The following SMURF1 variants were observed in gnomAD, a reference collection of about 807,000 sequenced individuals.
The protein encoded by SMURF1 is E3 ubiquitin-protein ligase SMURF1.
Under a neutral mutation model 98.0 loss-of-function variants are expected in SMURF1, and 44 were observed. The ratio of observed to expected loss-of-function variants is 0.45; its 90% CI spans 0.35 to 0.58. SMURF1 has a LOEUF of 0.58. Ranked by LOEUF, SMURF1 falls within the 20% of genes least tolerant of loss-of-function variation. The pLI is 0.00. For synonymous variants in SMURF1, 396 were observed against 374.9 expected (o/e 1.06, Z -0.65); for missense variants, 687 against 938.4 (o/e 0.73, Z 3.50).
intron 16 of SMURF1, 42 bp downstream of exon 16, chr7:99,035,473 C>T (rs1380602664): frequency 6.2e-6 from 10 of 1,608,324 alleles, no homozygotes; most frequent in Non-Finnish European, 8.5e-6. Flanking sequence ...CCACAGCGCA[C>T]ATAGACGCGT....
intron 1 of SMURF1, among the ~76,000 whole-genome samples, chr7:99,089,076 C>T (rs948983200): frequency 3.3e-5 from 5 of 151,958 alleles, no homozygotes; most frequent in African/African-American, 4.8e-5. Flanking sequence ...TGGTGGCGTG[C>T]GCCTGTAATC....
At chr7:99,055,160 T>C (rs1278300241) in intron 5 of SMURF1, among the ~76,000 whole-genome samples, 3 of 152,140 alleles carry the variant, frequency 2.0e-5, no homozygotes, top group Non-Finnish European at 4.4e-5. Flanking sequence ...TTCAAGAAGA[T>C]TTATTTTTTA....
rs1162991456 is a variant in SMURF1 at position 99,060,593 on chromosome 7, A to G, written c.203+6T>C. The G allele has an allele frequency of 6.2e-7, 1 of 1,609,274 alleles. No homozygotes were observed. The highest frequency in any genetic ancestry group is 8.5e-7 in the Non-Finnish European group (1 of 1,176,382). On this transcript the variant is annotated splice_donor_region_variant and intron_variant, in intron 3 of 17. Transcript: ENST00000361368. ...CCGCATGGGGCTTACAGAACATTCAACTCACAGATCATAGTGCTGGTTCCA... is the reference window on the plus strand; with the variant it reads ...CCGCATGGGGCTTACAGAACATTCAGCTCACAGATCATAGTGCTGGTTCCA...
chr7:99,126,350 T>C, intron 1 of SMURF1, among the ~76,000 whole-genome samples: 1 of 140,676 alleles, frequency 7.1e-6, no homozygotes, highest in Non-Finnish European at 1.5e-5. Flanking sequence ...ATATATTCCT[T>C]TTTTTTTTTT....
At chr7:99,080,424 T>C (rs1796555598) in intron 1 of SMURF1, among the ~76,000 whole-genome samples, 1 of 152,156 alleles carries the variant, frequency 6.6e-6, no homozygotes. Flanking sequence ...CTCAGCCTCC[T>C]GAGTAGCTGG....
At chr7:99,141,071 A>T (rs1798109648) in intron 1 of SMURF1, among the ~76,000 whole-genome samples, 1 of 152,220 alleles carries the variant, frequency 6.6e-6, no homozygotes, top group African/African-American at 2.4e-5. Flanking sequence ...ATCCTCTCAA[A>T]CCATTCATAA....
In SMURF1 at chr7:99,028,254, A is replaced by AAAAGG. The variant is rs1794764112; in HGVS notation, c.*2325_*2329dup. 6.6e-6 allele frequency: 1 copy of AAAAGG among 152,526 alleles called. No homozygotes were observed. The highest frequency in any genetic ancestry group is 2.4e-5 in the African/African-American group (1 of 41,440). The allele number at this position is 152,526 out of a possible 1,614,324, so 9.4% of individuals were successfully genotyped here. A position where few individuals can be genotyped will look rare whatever the true frequency, so the allele number is the denominator to read the frequency against. On this transcript the variant is annotated 3_prime_UTR_variant, in exon 18 of 18. Coordinates refer to ENST00000361368, the MANE Select transcript of SMURF1 (RefSeq NM_181349.3). ...CATGTTGAGTTCTTTGGGGTGGTTC[A>AAAAGG]AAAGGACCAAACAAACCATCGTAGA...
chr7:99,083,209 T>C (rs1237023991), intron 1 of SMURF1, among the ~76,000 whole-genome samples: 3 of 152,168 alleles, frequency 2.0e-5, no homozygotes, highest in African/African-American at 7.2e-5. Flanking sequence ...GTGACTTTTA[T>C]AGTATGTGAG....
At chr7:99,033,573 T>C (rs558369805) in intron 16 of SMURF1, among the ~76,000 whole-genome samples, 29 of 152,008 alleles carry the variant, frequency 1.9e-4, no homozygotes, top group Non-Finnish European at 3.7e-4. Context: ...CCTCCCAGAG[T>C]GCTGGGATTA....
chr7:99,045,125 C>A (rs1268147884), intron 11 of SMURF1, among the ~76,000 whole-genome samples: 2 of 151,502 alleles, frequency 1.3e-5, no homozygotes, highest in South Asian at 4.2e-4. Flanking sequence ...GGCAACAGAG[C>A]AAGACCCCGT....
At chr7:99,061,536 G>A (rs1387161916) in intron 2 of SMURF1, among the ~76,000 whole-genome samples, 1 of 152,136 alleles carries the variant, frequency 6.6e-6, no homozygotes, top group Non-Finnish European at 1.5e-5. Flanking sequence ...ATTCTAATAG[G>A]TAGAGAGGCA....
At chr7:99,047,037 G>T (rs1262638997) in intron 10 of SMURF1, among the ~76,000 whole-genome samples, 2 of 152,226 alleles carry the variant, frequency 1.3e-5, no homozygotes, top group East Asian at 3.9e-4. Flanking sequence ...ACAAAGGAGG[G>T]CAGGAAATGG....
intron 1 of SMURF1, among the ~76,000 whole-genome samples, chr7:99,129,879 T>A (rs1489508387): frequency 6.6e-6 from 1 of 152,248 alleles, no homozygotes; most frequent in African/African-American, 2.4e-5. Flanking sequence ...TTACAAAAAC[T>A]TTTTTTCTTT....
At chr7:99,090,938 G>C (rs1796795239) in intron 1 of SMURF1, among the ~76,000 whole-genome samples, 1 of 152,156 alleles carries the variant, frequency 6.6e-6, no homozygotes, top group African/African-American at 2.4e-5. Flanking sequence ...GCTCTAGTTA[G>C]GGGGTTGGCA....
intron 16 of SMURF1, among the ~76,000 whole-genome samples, chr7:99,034,079 G>C (rs1795026030): frequency 6.6e-6 from 1 of 152,226 alleles, no homozygotes; most frequent in Admixed American, 6.5e-5. Context: ...GCAGCCCCTG[G>C]TTTCTGGGGT....
At chr7:99,113,518 C>A (rs1349973883) in intron 1 of SMURF1, among the ~76,000 whole-genome samples, 3 of 152,004 alleles carry the variant, frequency 2.0e-5, no homozygotes, top group African/African-American at 7.3e-5. Context: ...ACAAGAAATG[C>A]TGAGGGGAGT....
chr7:99,049,976 G>C, intron 8 of SMURF1: 1 of 315,594 alleles, frequency 3.2e-6, no homozygotes, highest in Admixed American at 4.8e-5. Context: ...ACTCTGGGAG[G>C]CAAGTGAATC....
At chr7:99,038,631 G>A in intron 13 of SMURF1, 106 bp from the exon 14 acceptor site, 1 of 1,361,314 alleles carries the variant, frequency 7.3e-7, no homozygotes, top group Non-Finnish European at 1.0e-6. Flanking sequence ...CTGCAAGACA[G>A]GACAGCCTCG....
At chr7:99,108,146 G>C (rs530306511) in intron 1 of SMURF1, among the ~76,000 whole-genome samples, 1 of 152,212 alleles carries the variant, frequency 6.6e-6, no homozygotes, top group East Asian at 1.9e-4. Flanking sequence ...AAGAACACTT[G>C]GCCATTGTTG....
Sources: allele counts gnomAD v4.1 joint callset (sites outside exome capture counted in the v4.1 genomes callset), GRCh38; gene constraint gnomAD v4.1.1; transcripts MANE v1.5; gene names NCBI Gene and HGNC (gene_info 2026-07-23, HGNC 2026-07-21).